The following KCNQ4 variants were observed in gnomAD, a reference collection of about 807,000 sequenced individuals.
KCNQ4 encodes potassium voltage-gated channel subfamily Q member 4, also known as potassium voltage-gated channel subfamily KQT member 4.
In KCNQ4, 31 loss-of-function variants were observed where a neutral mutation model predicts 72.6. The ratio of observed to expected loss-of-function variants is 0.43; its 90% CI spans 0.32 to 0.58. The LOEUF (loss-of-function observed/expected upper bound fraction) is 0.58, where lower values mean the gene tolerates loss of function less well. Among genes scored for constraint, KCNQ4 ranks in the 20% least tolerant of loss-of-function variants. The pLI is 0.08. For synonymous variants in KCNQ4, 405 were observed against 403.7 expected (o/e 1.00, Z -0.04); for missense variants, 869 against 962.6 (o/e 0.90, Z 1.29).
At position 40,784,362 on chromosome 1, in the gene KCNQ4, T is replaced by C; in HGVS notation, c.269T>C (p.Val90Ala). The part of the protein sequence containing the change: ...YRRLQNWVYN[V>A]LERPRGWAFV... ...CGCCTGCAGAACTGGGTCTACAACG[T>C]GCTGGAGCGGCCCCGCGGCTGGGCC... Residue 90 changes from valine (V) to alanine (A), a missense_variant, in exon 1 of 14, where the codon GTG becomes GCG. This residue lies in a region of KCNQ4 where 178 missense variants were observed against 145.3 expected (regional missense o/e 1.22). Transcript: ENST00000347132. This position sits in a 1 kb window ranked among gnomAD's most constrained non-coding sequence, Gnocchi z 4.1. The C allele has an allele frequency of 6.2e-7, 1 of 1,610,162 alleles. No homozygotes were observed. Among genetic ancestry groups the C allele is most frequent in the Non-Finnish European group, 8.5e-7 (1 of 1,179,366 alleles).
chr1:40,834,954 C>T lies in KCNQ4; in HGVS notation c.1614-13C>T. On this transcript the variant is annotated splice_polypyrimidine_tract_variant and intron_variant, in intron 11 of 13. Coordinates refer to ENST00000347132, the MANE Select transcript of KCNQ4 (RefSeq NM_004700.4). ...CTAACAGGACACTCCCTCTGAGCCC[C>T]CTCCCCCAACAGGATTCTCAAGTTC... 2.5e-6 allele frequency: 4 copies of T among 1,612,936 alleles called. No homozygotes were observed. The highest frequency in any genetic ancestry group is 3.4e-6 in the Non-Finnish European group (4 of 1,179,302).
chr1:40,815,484 C>T (rs1558009579), intron 1 of KCNQ4, among the ~76,000 whole-genome samples: 2 of 152,126 alleles, frequency 1.3e-5, no homozygotes, highest in South Asian at 2.1e-4. Flanking sequence ...GCTGCAGTCC[C>T]GATGCAGGTA....
intron 9 of KCNQ4, among the ~76,000 whole-genome samples, chr1:40,824,869 G>T (rs1396004860): frequency 6.6e-6 from 1 of 152,222 alleles, no homozygotes; most frequent in African/African-American, 2.4e-5. Context: ...GCTAATCCCA[G>T]AGGGTCCTCT....
In KCNQ4 at chr1:40,838,641, C is replaced by A; in HGVS notation, c.*118C>A. On this transcript the variant is annotated 3_prime_UTR_variant, in exon 14 of 14. Transcript: ENST00000347132. Reference sequence around the variant, plus strand: ...ACTCACTCCCTCACGGGGAGAGAGACCACACGCAGTATTGAGCTGCCTGAG... The same window carrying A: ...ACTCACTCCCTCACGGGGAGAGAGAACACACGCAGTATTGAGCTGCCTGAG... 1.0e-6 allele frequency: 1 copy of A among 969,464 alleles called. No homozygotes were observed. Among genetic ancestry groups the A allele is most frequent in the South Asian group, 1.3e-5 (1 of 74,268 alleles). The allele number at this position is 969,464 out of a possible 1,614,324, so 60.1% of individuals were successfully genotyped here. A position where few individuals can be genotyped will look rare whatever the true frequency, so the allele number is the denominator to read the frequency against.
chr1:40,788,564 C>A lies in KCNQ4; in HGVS notation c.314+4157C>A, dbSNP rs748162879. Among the ~76,000 whole-genome samples, 5 of 152,176 alleles carry A rather than the reference C, an allele frequency of 3.3e-5. No individual in the cohort carries two copies. Among genetic ancestry groups the A allele is most frequent in the African/African-American group, 1.2e-4 (5 of 41,436 alleles). ...CCTCCTCATTTGACAGATGGGGAAA[C>A]TGGGACTCAGCAGAGGCCACCCAGT... On this transcript the variant is annotated intron_variant, in intron 1 of 13. Transcript: ENST00000347132. The surrounding 1 kb of genome is among the most constrained non-coding windows in gnomAD (Gnocchi z 4.5).
At chr1:40,789,804 A>G (rs7547718) in intron 1 of KCNQ4, among the ~76,000 whole-genome samples, 8,403 of 152,320 alleles carry the variant, frequency 0.055, 268 homozygotes, top group South Asian at 0.089. Context: ...TGAGTGGATG[A>G]TTAATTTCAG....
At chr1:40,835,357 G>C (rs930768011) in intron 12 of KCNQ4, among the ~76,000 whole-genome samples, 2 of 152,224 alleles carry the variant, frequency 1.3e-5, no homozygotes, top group East Asian at 1.9e-4. Context: ...TGCCTTGGGG[G>C]CTTTGTTTAG....
At chr1:40,831,724 C>T (rs1292248449) in intron 10 of KCNQ4, among the ~76,000 whole-genome samples, 1 of 152,206 alleles carries the variant, frequency 6.6e-6, no homozygotes. Flanking sequence ...GAACAGAAGA[C>T]TTTTGGGAAT....
At chr1:40,789,945 G>C (rs1233279707) in intron 1 of KCNQ4, among the ~76,000 whole-genome samples, 2 of 152,210 alleles carry the variant, frequency 1.3e-5, no homozygotes, top group African/African-American at 2.4e-5. Context: ...GCACCAATGT[G>C]GGTCTTTGGG....
intron 1 of KCNQ4, among the ~76,000 whole-genome samples, chr1:40,811,224 A>C (rs964866261): frequency 5.9e-5 from 9 of 152,274 alleles, no homozygotes; most frequent in African/African-American, 2.2e-4. Context: ...AGGTCACCAC[A>C]TGAGAGCCAC....
chr1:40,787,052 C>T (rs937606258), intron 1 of KCNQ4, among the ~76,000 whole-genome samples: 7 of 152,082 alleles, frequency 4.6e-5, no homozygotes, highest in South Asian at 2.1e-4. Flanking sequence ...TTCCCAGAGA[C>T]GCAGGCTGTG....
chr1:40,833,171 C>T (rs1648704321), intron 11 of KCNQ4, 58 bp downstream of exon 11: 2 of 1,303,988 alleles, frequency 1.5e-6, no homozygotes, highest in Non-Finnish European at 1.1e-6. Flanking sequence ...TGCTGCTCCC[C>T]ATCTGGGCGG....
intron 4 of KCNQ4, 95 bp from the exon 5 acceptor site, chr1:40,819,252 G>A (rs1648203556): frequency 3.4e-6 from 5 of 1,463,030 alleles, no homozygotes; most frequent in Non-Finnish European, 4.7e-6. Flanking sequence ...GACTCCGGGA[G>A]ATGGGGGACC....
At chr1:40,809,274 A>G (rs952507879) in intron 1 of KCNQ4, among the ~76,000 whole-genome samples, 2 of 151,910 alleles carry the variant, frequency 1.3e-5, no homozygotes, top group Admixed American at 1.3e-4. Flanking sequence ...TAACTTTGCT[A>G]CAAGCTCTCT....
In KCNQ4 at chr1:40,831,117, G is replaced by C. The variant is rs368850546; in HGVS notation, c.1326G>C (p.Met442Ile). The C allele has an allele frequency of 3.1e-5, 50 of 1,607,952 alleles. No homozygotes were observed. Among genetic ancestry groups the C allele is most frequent in the Non-Finnish European group, 4.1e-5 (48 of 1,177,418 alleles). The change falls in exon 10 of 14, where the codon ATG (methionine) becomes ATC (isoleucine). Residue 442 changes from methionine (M) to isoleucine (I), a missense_variant. This residue lies in a region of KCNQ4 where 480 missense variants were observed against 501.9 expected (regional missense o/e 0.96). Transcript: ENST00000347132. ...TGGGCATCAAAGACCGCATCCGCAT[G>C]GGCAGCTCCCAGCGGCGGACGGGTC... Reference protein sequence around the residue: ...SRMGIKDRIRMGSSQRRTGPS... With the variant: ...SRMGIKDRIRIGSSQRRTGPS...
Position 40,818,572 on chromosome 1 carries a change from G to A in KCNQ4, c.600G>A (p.Thr200=). The A allele has an allele frequency of 1.9e-6, 3 of 1,605,084 alleles. No individual in the cohort carries two copies. Among genetic ancestry groups the A allele is most frequent in the Non-Finnish European group, 2.5e-6 (3 of 1,179,842 alleles). Residue 200 remains threonine (T), a synonymous_variant, in exon 4 of 14, where the codon ACG becomes ACA. Transcript: ENST00000347132. ...GTACCCAGGGCAACATCTTCGCCAC[G>A]TCCGCGCTGCGCAGCATGCGCTTCC... ...AAGTQGNIFA[T]SALRSMRFLQ...
rs1227184151 is a variant in KCNQ4 at position 40,819,337 on chromosome 1, T to C, written c.709-10T>C. 2 of 1,613,606 alleles carry C rather than the reference T, an allele frequency of 1.2e-6. No individual in the cohort carries two copies. Among genetic ancestry groups the C allele is most frequent in the Non-Finnish European group, 8.5e-7 (1 of 1,179,928 alleles). On this transcript the variant is annotated splice_polypyrimidine_tract_variant and intron_variant, in intron 4 of 13. Transcript: ENST00000347132. ...GCGCTCCTCACCGCGCCCCTCCGCC[T>C]GCCCCGCAGGAGCTGATCACCGCCT...
intron 1 of KCNQ4, among the ~76,000 whole-genome samples, chr1:40,796,221 A>G (rs2148299502): frequency 6.6e-6 from 1 of 152,176 alleles, no homozygotes; most frequent in South Asian, 2.1e-4. Flanking sequence ...GTCGGAAGGC[A>G]AGAGACACGA....
At chr1:40,799,969 A>G (rs1647529233) in intron 1 of KCNQ4, among the ~76,000 whole-genome samples, 2 of 152,196 alleles carry the variant, frequency 1.3e-5, no homozygotes, top group African/African-American at 4.8e-5. Flanking sequence ...TGGGGCCCAG[A>G]ATTCTACCCA....
Sources: allele counts gnomAD v4.1 joint callset (sites outside exome capture counted in the v4.1 genomes callset), GRCh38; gene constraint gnomAD v4.1.1; regional missense constraint gnomAD v4.1.1; non-coding constraint Gnocchi (gnomAD v3.1); transcripts MANE v1.5; gene names NCBI Gene and HGNC (gene_info 2026-07-23, HGNC 2026-07-21).